Variants in ZBTB40 observed in about 807,000 individuals in gnomAD.
The protein encoded by ZBTB40 is zinc finger and BTB domain containing 40.
A neutral mutation model predicts 117.5 loss-of-function variants in ZBTB40; 60 were observed. The observed-to-expected ratio is 0.51, with a 90% CI of 0.41 to 0.63. ZBTB40 has a LOEUF of 0.63. ZBTB40 is among the 30% of genes least tolerant of loss of function. ZBTB40 has a pLI of 0.00. For synonymous variants in ZBTB40, 525 were observed against 577.1 expected (o/e 0.91, Z 1.29); for missense variants, 1,287 against 1,498.5 (o/e 0.86, Z 2.33).
At chr1:22,512,176 G>A (rs1263168753) in intron 11 of ZBTB40, 42 bp downstream of exon 11, 3 of 1,608,558 alleles carry the variant, frequency 1.9e-6, no homozygotes, top group East Asian at 4.5e-5. Context: ...GATAATTGTG[G>A]GTTTTATAGC....
At chr1:22,524,091 A>G (rs1461809498) in intron 16 of ZBTB40, 127 bp from the exon 17 acceptor site, 2 of 880,218 alleles carry the variant, frequency 2.3e-6, no homozygotes, top group African/African-American at 1.7e-5. Context: ...GTCCCACAAA[A>G]TGTGGATCCG....
At chr1:22,502,531 A>G in intron 5 of ZBTB40, 90 bp downstream of exon 5, 1 of 1,552,416 alleles carries the variant, frequency 6.4e-7, no homozygotes, top group Non-Finnish European at 8.9e-7. Flanking sequence ...TATACTTTGC[A>G]GTATTTTAAT....
At chr1:22,525,020 T>A (rs1639639319) in intron 17 of ZBTB40, among the ~76,000 whole-genome samples, 1 of 152,088 alleles carries the variant, frequency 6.6e-6, no homozygotes, top group Non-Finnish European at 1.5e-5. Context: ...CGTCAGTAAT[T>A]TGTGGGTGGG....
intron 3 of ZBTB40, among the ~76,000 whole-genome samples, chr1:22,493,641 C>T (rs1638694322): frequency 6.6e-6 from 1 of 152,118 alleles, no homozygotes; most frequent in East Asian, 1.9e-4. Context: ...CTCTCCTGCC[C>T]CTTCCACTTA....
At chr1:22,526,099 GA>G in intron 17 of ZBTB40, 102 bp from the exon 18 acceptor site, 3 of 1,414,732 alleles carry the variant, frequency 2.1e-6, no homozygotes, top group Non-Finnish European at 3.0e-6. Flanking sequence ...CTCCTCAGGT[GA>G]AAACATAAAT....
chr1:22,465,498 A>C (rs1477590741), intron 1 of ZBTB40, among the ~76,000 whole-genome samples: 1 of 152,140 alleles, frequency 6.6e-6, no homozygotes, highest in Non-Finnish European at 1.5e-5. Flanking sequence ...ACTGGCAGCC[A>C]GGCCCCCCAG....
intron 1 of ZBTB40, among the ~76,000 whole-genome samples, chr1:22,461,634 G>C (rs1009772739): frequency 6.6e-6 from 1 of 152,186 alleles, no homozygotes; most frequent in Non-Finnish European, 1.5e-5. Flanking sequence ...GTACACAGAG[G>C]GGTACTGAAG....
At chr1:22,483,949 A>G (rs1188427205) in intron 1 of ZBTB40, among the ~76,000 whole-genome samples, 2 of 152,142 alleles carry the variant, frequency 1.3e-5, no homozygotes, top group Non-Finnish European at 2.9e-5. Flanking sequence ...CTATGTCTAG[A>G]TTCATTTTTT....
chr1:22,478,228 T>TATAA (rs1641595990), intron 1 of ZBTB40, among the ~76,000 whole-genome samples: 1 of 152,100 alleles, frequency 6.6e-6, no homozygotes, highest in African/African-American at 2.4e-5. Context: ...TTATGTAACC[T>TATAA]CTCTGTGCTA....
At position 22,490,128 on chromosome 1, in the gene ZBTB40, C is replaced by A; in HGVS notation, c.180C>A (p.Ser60=). ...TGCTGGATAACACAGATACCATCTC[C>A]ATCGATGCATCTGTGGTGAGCCCCG... ...KTLLDNTDTI[S]IDASVVSPEE... The change falls in exon 2 of 18, where the codon TCC becomes TCA. Residue 60 remains serine, a synonymous_variant. Transcript: ENST00000375647. 3.7e-6 allele frequency: 6 copies of A among 1,614,214 alleles called. No homozygotes were observed. The highest frequency in any genetic ancestry group is 5.1e-6 in the Non-Finnish European group (6 of 1,180,044).
chr1:22,449,299 C>T (rs544829146), upstream of ZBTB40, among the ~76,000 whole-genome samples: 2 of 152,302 alleles, frequency 1.3e-5, no homozygotes, highest in South Asian at 4.1e-4. Flanking sequence ...AACCCTCCCC[C>T]TCAAAGTCAA....
chr1:22,517,255 A>G lies in ZBTB40; in HGVS notation c.2669-45A>G, dbSNP rs759210013. ...ATTAGATTTTGTTTGTAGCAATGCC[A>G]TAAATTTTTAGTGCTGACTCTAATA... On this transcript the variant is annotated intron_variant, in intron 12 of 17. Coordinates refer to ENST00000375647, the MANE Select transcript of ZBTB40 (RefSeq NM_014870.4). The G allele has an allele frequency of 5.0e-6, 8 of 1,611,766 alleles. No homozygotes were observed. In the South Asian group the frequency reaches 8.8e-5, roughly 18 times the overall value.
intron 3 of ZBTB40, among the ~76,000 whole-genome samples, chr1:22,491,761 A>G (rs958088743): frequency 6.6e-6 from 1 of 152,146 alleles, no homozygotes; most frequent in African/African-American, 2.4e-5. Flanking sequence ...CTAGCTTCTA[A>G]CCAGTTTTGA....
chr1:22,503,145 G>A (rs1638988569), intron 5 of ZBTB40, among the ~76,000 whole-genome samples: 1 of 148,840 alleles, frequency 6.7e-6, no homozygotes, highest in African/African-American at 2.5e-5. Context: ...GTGATGTTGT[G>A]AAGAACATTC....
chr1:22,528,005 T>C lies in ZBTB40; in HGVS notation c.*1609T>C, dbSNP rs981933057. On this transcript the variant is annotated 3_prime_UTR_variant, in exon 18 of 18. Coordinates refer to ENST00000375647, the MANE Select transcript of ZBTB40 (RefSeq NM_014870.4). ...ACGCAGATCACTTGAGCTTGTCAAT[T>C]AGGGTTCTGCCATTCTGAAATAAAT... 1.3e-5 allele frequency: 2 copies of C among 152,696 alleles called. No homozygotes were observed. The highest frequency in any genetic ancestry group is 1.5e-5 in the Non-Finnish European group (1 of 68,054). 9.5% of individuals were successfully genotyped at this position (152,696 alleles called of 1,614,324 possible).
chr1:22,474,943 T>TAAAAAA (rs57704010), intron 1 of ZBTB40, among the ~76,000 whole-genome samples: 1 of 141,132 alleles, frequency 7.1e-6, no homozygotes, highest in Non-Finnish European at 1.6e-5. Context: ...GTACCAACAA[T>TAAAAAA]AAAAAAAAAA....
intron 10 of ZBTB40, 124 bp downstream of exon 10, chr1:22,511,471 T>A: frequency 7.3e-7 from 1 of 1,370,360 alleles, no homozygotes; most frequent in Non-Finnish European, 1.0e-6. Context: ...TTTTATATGC[T>A]CTGAATACCT....
chr1:22,441,547 A>G (rs1403872891), intron 1 of ZBTB40, among the ~76,000 whole-genome samples: 1 of 126,078 alleles, frequency 7.9e-6, no homozygotes, highest in Non-Finnish European at 1.6e-5. Context: ...CAGTGGCATG[A>G]TCTCAGCTCA....
At chr1:22,438,226 G>C (rs917532921) in intron 1 of ZBTB40, among the ~76,000 whole-genome samples, 7 of 152,104 alleles carry the variant, frequency 4.6e-5, no homozygotes, top group Non-Finnish European at 7.4e-5. Context: ...TCCACCTTCT[G>C]TCTCTGTAAG....
Sources: allele counts gnomAD v4.1 joint callset (sites outside exome capture counted in the v4.1 genomes callset), GRCh38; gene constraint gnomAD v4.1.1; transcripts MANE v1.5; gene names NCBI Gene and HGNC (gene_info 2026-07-23, HGNC 2026-07-21).